The following ST18 variants were observed in gnomAD, a reference collection of about 807,000 sequenced individuals.
ST18 encodes the protein suppression of tumorigenicity 18 protein.
In ST18, 50 loss-of-function variants were observed where a neutral mutation model predicts 110.0. The ratio of observed to expected loss-of-function variants is 0.45; its 90% CI spans 0.36 to 0.58. ST18 has a LOEUF of 0.58. Among genes scored for constraint, ST18 ranks in the 20% least tolerant of loss-of-function variants. The pLI is 0.00. For synonymous variants in ST18, 461 were observed against 452.4 expected (o/e 1.02, Z -0.24); for missense variants, 1,306 against 1,280.1 (o/e 1.02, Z -0.31).
chr8:52,153,560 T>C (rs962998975), intron 15 of ST18, among the ~76,000 whole-genome samples: 1 of 152,230 alleles, frequency 6.6e-6, no homozygotes, highest in African/African-American at 2.4e-5. Flanking sequence ...GTTTAGATTA[T>C]AAATTTGTGA....
rs374038231 is a variant in ST18 at position 52,215,272 on chromosome 8, C to T, written c.1-1015G>A. On this transcript the variant is annotated intron_variant, in intron 6 of 25. Coordinates refer to ENST00000689386, the MANE Select transcript of ST18 (RefSeq NM_001352837.2). ...GGGGAGCAGGTGTGGCAATGATGGA[C>T]TTTAATTTCCTTTAATAAACCTTTT... Among the ~76,000 whole-genome samples, 8 of 152,244 alleles carry T rather than the reference C, an allele frequency of 5.3e-5. No homozygotes were observed. The East Asian group carries it at 1.4e-3, about 26-fold the overall frequency.
At chr8:52,372,570 G>A (rs1830660129) in intron 2 of ST18, among the ~76,000 whole-genome samples, 1 of 152,194 alleles carries the variant, frequency 6.6e-6, no homozygotes, top group Non-Finnish European at 1.5e-5. Flanking sequence ...TAAGTGCCCT[G>A]TACAGGTGGA....
At chr8:52,308,546 G>GA (rs935090045) in intron 2 of ST18, among the ~76,000 whole-genome samples, 3 of 152,066 alleles carry the variant, frequency 2.0e-5, no homozygotes, top group African/African-American at 7.2e-5. Context: ...TCTTTCAGAG[G>GA]AAAAAAATGT....
At chr8:52,332,111 G>A (rs1809739013) in intron 2 of ST18, among the ~76,000 whole-genome samples, 1 of 151,694 alleles carries the variant, frequency 6.6e-6, no homozygotes, top group Non-Finnish European at 1.5e-5. Context: ...AACCAAATGA[G>A]TTACATTTGC....
chr8:52,334,477 A>T (rs982311616), intron 2 of ST18, among the ~76,000 whole-genome samples: 5 of 152,234 alleles, frequency 3.3e-5, no homozygotes, highest in Non-Finnish European at 5.9e-5. Context: ...TCATGCAATG[A>T]TACCACTAGA....
chr8:52,279,651 G>T (rs1416726478), intron 2 of ST18, among the ~76,000 whole-genome samples: 1 of 152,126 alleles, frequency 6.6e-6, no homozygotes, highest in Non-Finnish European at 1.5e-5. Context: ...GAGATTATTT[G>T]AAGGGAAATA....
chr8:52,296,508 T>C lies in ST18; in HGVS notation c.-464-66431A>G, dbSNP rs577730943. 110 of 152,316 alleles carry C rather than the reference T, an allele frequency of 7.2e-4. 1 individual carries two copies. Among genetic ancestry groups the C allele is most frequent in the African/African-American group, 2.5e-3 (104 of 41,564 alleles). The allele number at this position is 152,316 out of a possible 1,614,324, so 9.4% of individuals were successfully genotyped here. A position where few individuals can be genotyped will look rare whatever the true frequency, so the allele number is the denominator to read the frequency against. ...CACACAGCACAGTGAACGTCGAGCA[T>C]GCACACCAGGAAGCCCAGGTTCGAG... On this transcript the variant is annotated intron_variant, in intron 2 of 25. Coordinates refer to ENST00000689386, the MANE Select transcript of ST18 (RefSeq NM_001352837.2).
intron 2 of ST18, among the ~76,000 whole-genome samples, chr8:52,290,226 A>G (rs563652236): frequency 6.6e-6 from 1 of 152,264 alleles, no homozygotes; most frequent in Admixed American, 6.5e-5. Context: ...CCAGCTCACT[A>G]AAGGCTCCAC....
chr8:52,270,592 A>G (rs2095041781), intron 2 of ST18, among the ~76,000 whole-genome samples: 1 of 152,202 alleles, frequency 6.6e-6, no homozygotes. Flanking sequence ...TGGATATGAA[A>G]TTAGTCTGAT....
In ST18 at chr8:52,178,647, C is replaced by CAA. The variant is rs2068028796; in HGVS notation, c.277+1474_277+1475insTT. On this transcript the variant is annotated intron_variant, in intron 9 of 25. Coordinates refer to ENST00000689386, the MANE Select transcript of ST18 (RefSeq NM_001352837.2). Reference sequence around the variant, plus strand: ...AAAAAAAAAAAAAAAAAAAAAACCACCAAAAACCAAAATAAAACAAACAAA... The same window carrying CAA: ...AAAAAAAAAAAAAAAAAAAAAACCACAACAAAAACCAAAATAAAACAAACAAA... Among the ~76,000 whole-genome samples, 10 of 70,588 alleles carry CAA rather than the reference C, an allele frequency of 1.4e-4. 4 individuals carry two copies. In the East Asian group the frequency reaches 2.0e-3, roughly 14 times the overall value. The allele number at this position is 70,588 out of a possible 152,430, so 46.3% of individuals were successfully genotyped here.
chr8:52,195,784 T>TAAAAAAAAAAAAA (rs2076008201), intron 8 of ST18, among the ~76,000 whole-genome samples: 1 of 152,222 alleles, frequency 6.6e-6, no homozygotes, highest in Non-Finnish European at 1.5e-5. Flanking sequence ...TTACCTTAAC[T>TAAAAAAAAAAAAA]AACTTGGTGA....
chr8:52,402,128 T>A (rs996266529), intron 2 of ST18, among the ~76,000 whole-genome samples: 2 of 151,936 alleles, frequency 1.3e-5, no homozygotes, highest in African/African-American at 4.8e-5. Context: ...GGTGGCATGG[T>A]AGTTTGTTAG....
At chr8:52,214,383 C>T (rs1588626443) in intron 6 of ST18, 126 bp from the exon 7 acceptor site, 2 of 929,988 alleles carry the variant, frequency 2.2e-6, no homozygotes, top group East Asian at 4.9e-5. Context: ...GACTCACAGC[C>T]CGGCTCTATA....
chr8:52,274,342 A>G (rs565986846), intron 2 of ST18, among the ~76,000 whole-genome samples: 1 of 152,282 alleles, frequency 6.6e-6, no homozygotes, highest in Non-Finnish European at 1.5e-5. Flanking sequence ...TACGTAGATA[A>G]GACATTCACA....
chr8:52,166,945 G>C lies in ST18; in HGVS notation c.1111C>G (p.Pro371Ala). 6.2e-7 allele frequency: 1 copy of C among 1,612,162 alleles called. No individual in the cohort carries two copies. Among genetic ancestry groups the C allele is most frequent in the Non-Finnish European group, 8.5e-7 (1 of 1,178,534 alleles). The stretch of plus-strand genomic sequence containing the variant: ...ACGTGTCCCGTGCCATCACATCCAG[G>C]GATCGGGCACTTGGTCTCCCTCTTT... ...PEKRETKCPI[P>A]GCDGTGHVTG... The change falls in exon 11 of 26, where the codon CCT (proline) becomes GCT (alanine). Residue 371 changes from proline to alanine, a missense_variant. By Grantham distance (27) the Pro-to-Ala change is conservative (BLOSUM62 -1). Coordinates refer to ENST00000689386, the MANE Select transcript of ST18 (RefSeq NM_001352837.2).
intron 2 of ST18, among the ~76,000 whole-genome samples, chr8:52,361,731 G>A (rs554018332): frequency 5.3e-5 from 8 of 152,274 alleles, no homozygotes; most frequent in African/African-American, 1.9e-4. Flanking sequence ...GGAAGAAAGA[G>A]TTAACATCTC....
chr8:52,255,398 A>G (rs1357480666), intron 2 of ST18, among the ~76,000 whole-genome samples: 2 of 152,188 alleles, frequency 1.3e-5, no homozygotes, highest in Admixed American at 1.3e-4. Context: ...AATTTGCCAC[A>G]AGCCCTTTTA....
chr8:52,257,761 C>T (rs1238891499), intron 2 of ST18, among the ~76,000 whole-genome samples: 1 of 151,962 alleles, frequency 6.6e-6, no homozygotes, highest in Non-Finnish European at 1.5e-5. Context: ...TGATGTTTTC[C>T]TTTAAAACAC....
intron 2 of ST18, among the ~76,000 whole-genome samples, chr8:52,241,058 G>T (rs2093357368): frequency 6.6e-6 from 1 of 152,158 alleles, no homozygotes; most frequent in Non-Finnish European, 1.5e-5. Flanking sequence ...CATTCATCTG[G>T]TAATCCAAAC....
Sources: gnomAD v4.1 joint callset for allele counts (sites outside exome capture counted in the v4.1 genomes callset) on GRCh38, gnomAD v4.1.1 for gene constraint, MANE v1.5 for transcripts, NCBI Gene and HGNC (gene_info 2026-07-23, HGNC 2026-07-21) for gene names.